The following B4GALT5 variants were observed in gnomAD, a reference collection of about 807,000 sequenced individuals.
The protein encoded by B4GALT5 is beta-1,4-galactosyltransferase 5.
In B4GALT5, 11 loss-of-function variants were observed where a neutral mutation model predicts 45.0. The observed-to-expected ratio is 0.24, with a 90% CI of 0.15 to 0.40. The LOEUF (loss-of-function observed/expected upper bound fraction) is 0.40. Among genes scored for constraint, B4GALT5 ranks in the 10% least tolerant of loss-of-function variants. The pLI is 1.00. For synonymous variants in B4GALT5, 185 were observed against 182.9 expected (o/e 1.01, Z -0.09); for missense variants, 337 against 500.2 (o/e 0.67, Z 3.11).
Position 49,633,766 on chromosome 20 carries a change from C to T in B4GALT5, c.*2546G>A, listed in dbSNP as rs889888634. On this transcript the variant is annotated 3_prime_UTR_variant, in exon 9 of 9. Transcript: ENST00000371711. ...AAACAAGATCGCCTGACAACACTGC[C>T]GCATACACATACGGCACCCAGGACT... 1.3e-5 allele frequency: 2 copies of T among 152,478 alleles called. No individual in the cohort carries two copies. The highest frequency in any genetic ancestry group is 2.4e-5 in the African/African-American group (1 of 41,408). The allele number at this position is 152,478 out of a possible 1,614,324, so 9.4% of individuals were successfully genotyped here.
At chr20:49,662,401 C>T (rs1015792803) in intron 1 of B4GALT5, among the ~76,000 whole-genome samples, 19 of 152,110 alleles carry the variant, frequency 1.2e-4, no homozygotes, top group African/African-American at 4.3e-4. Flanking sequence ...AAGGCTGTTG[C>T]CTACTTCCTT....
intron 1 of B4GALT5, among the ~76,000 whole-genome samples, chr20:49,663,544 A>G (rs1256561454): frequency 6.6e-6 from 1 of 151,134 alleles, no homozygotes; most frequent in Admixed American, 6.6e-5. Context: ...TTTACGTATT[A>G]AAAAAATTAT....
In B4GALT5 at chr20:49,636,023, T is replaced by C; in HGVS notation, c.*289A>G. ...TCTGGAGACTGCGGCTAAGACAGGA[T>C]GTGGGGTAGGAGATGGGGAGAGAGC... On this transcript the variant is annotated 3_prime_UTR_variant, in exon 9 of 9. Transcript: ENST00000371711. 1 of 378,592 alleles carries C rather than the reference T, an allele frequency of 2.6e-6. No homozygotes were observed. The highest frequency in any genetic ancestry group is 2.5e-5 in the South Asian group (1 of 40,206). 23.5% of individuals were successfully genotyped at this position (378,592 alleles called of 1,614,324 possible).
In B4GALT5 at chr20:49,640,654, T is replaced by C. The variant is rs920956447; in HGVS notation, c.618A>G (p.Gln206=). ...AFYVVEQVGT[Q]PFNRAMLFNV... The stretch of plus-strand genomic sequence containing the variant: ...TGAAAAGCATGGCTCGATTAAAGGG[T>C]TGGGTACCAACCTAAAAGAAACAGA... The change falls in exon 6 of 9, where the codon CAA becomes CAG. Residue 206 remains glutamine (Q), a synonymous_variant. Coordinates refer to ENST00000371711, the MANE Select transcript of B4GALT5 (RefSeq NM_004776.4). 2 of 1,605,382 alleles carry C rather than the reference T, an allele frequency of 1.2e-6. No individual in the cohort carries two copies. The highest frequency in any genetic ancestry group is 1.7e-4 in the Middle Eastern group (1 of 6,020).
At chr20:49,684,464 G>A (rs1395849013) in intron 1 of B4GALT5, 2 of 469,770 alleles carry the variant, frequency 4.3e-6, no homozygotes, top group African/African-American at 4.0e-5. Context: ...TGGGGAGGCT[G>A]AGACAGCAGA....
chr20:49,643,866 C>T (rs953450686), intron 3 of B4GALT5, among the ~76,000 whole-genome samples: 6 of 147,182 alleles, frequency 4.1e-5, no homozygotes, highest in Admixed American at 2.7e-4. Flanking sequence ...CTTTAGAGTT[C>T]TGCTTCTGTC....
At chr20:49,694,730 T>C (rs1453813686) in intron 1 of B4GALT5, among the ~76,000 whole-genome samples, 1 of 151,886 alleles carries the variant, frequency 6.6e-6, no homozygotes, top group Admixed American at 6.6e-5. Context: ...ACACAACTGA[T>C]AACACCTGGG....
At chr20:49,659,487 C>A (rs900192694) in intron 1 of B4GALT5, among the ~76,000 whole-genome samples, 2 of 152,168 alleles carry the variant, frequency 1.3e-5, no homozygotes, top group South Asian at 2.1e-4. Context: ...ACAACTGTCT[C>A]GTGTTAGTCT....
At chr20:49,683,530 A>G (rs2085772869) in intron 1 of B4GALT5, among the ~76,000 whole-genome samples, 1 of 151,416 alleles carries the variant, frequency 6.6e-6, no homozygotes, top group Non-Finnish European at 1.5e-5. Flanking sequence ...AGTAGCTGAG[A>G]TTACAGGCAC....
intron 1 of B4GALT5, among the ~76,000 whole-genome samples, chr20:49,687,141 G>C (rs1336357946): frequency 1.3e-5 from 2 of 152,218 alleles, no homozygotes; most frequent in Non-Finnish European, 2.9e-5. Context: ...GGCATCTCTT[G>C]GGTAAAGGCC....
chr20:49,653,459 T>G (rs1370979001), intron 2 of B4GALT5, among the ~76,000 whole-genome samples: 1 of 152,248 alleles, frequency 6.6e-6, no homozygotes, highest in Non-Finnish European at 1.5e-5. Flanking sequence ...AAGTGCTTCC[T>G]ATGTGCGAGG....
rs145633480 is a variant in B4GALT5 at position 49,691,718 on chromosome 20, A to C, written c.115+21858T>G. Among the ~76,000 whole-genome samples, 72 of 152,376 alleles carry C rather than the reference A, an allele frequency of 4.7e-4. No individual in the cohort carries two copies. In the East Asian group the frequency reaches 0.013, roughly 26 times the overall value. ...AAATTACACATACTCCCCTAAAAAA[A>C]GATCCAGAAGAAAAAGCACCAAAAT... On this transcript the variant is annotated intron_variant, in intron 1 of 8. Coordinates refer to ENST00000371711, the MANE Select transcript of B4GALT5 (RefSeq NM_004776.4).
chr20:49,665,060 CA>C (rs1266521130), intron 1 of B4GALT5, among the ~76,000 whole-genome samples: 2 of 152,132 alleles, frequency 1.3e-5, no homozygotes, highest in Non-Finnish European at 1.5e-5. Context: ...AAGCTTTCTC[CA>C]AAAGGGGAAA....
chr20:49,692,405 T>C (rs1178829144), intron 1 of B4GALT5, among the ~76,000 whole-genome samples: 1 of 152,046 alleles, frequency 6.6e-6, no homozygotes, highest in African/African-American at 2.4e-5. Flanking sequence ...AAGTCAAGGC[T>C]GCAGTGAGCT....
At chr20:49,665,553 C>A (rs7509303) in intron 1 of B4GALT5, among the ~76,000 whole-genome samples, 5 of 150,606 alleles carry the variant, frequency 3.3e-5, no homozygotes, top group African/African-American at 7.3e-5. Context: ...ATGATGAATT[C>A]TTTTATAAAT....
intron 1 of B4GALT5, among the ~76,000 whole-genome samples, chr20:49,665,303 A>G (rs1223225682): frequency 6.6e-6 from 1 of 150,568 alleles, no homozygotes; most frequent in Non-Finnish European, 1.5e-5. Context: ...CTCCCAAGCT[A>G]CTTGGGAGGC....
intron 1 of B4GALT5, among the ~76,000 whole-genome samples, chr20:49,661,480 C>T (rs1194606789): frequency 1.3e-5 from 2 of 152,196 alleles, no homozygotes; most frequent in East Asian, 1.9e-4. Flanking sequence ...GGTGATCTGC[C>T]TGCCTTGGCC....
rs930104788 is a variant in B4GALT5, at chr20:49,634,265, A to G, written c.*2047T>C. ...GTTTGTGGGGATCATATGTCCACAG[A>G]ACCATCACATGCAACGAAAAAAGCC... On this transcript the variant is annotated 3_prime_UTR_variant, in exon 9 of 9. Transcript: ENST00000371711. The G allele has an allele frequency of 6.6e-6, 1 of 152,552 alleles. No individual in the cohort carries two copies. The highest frequency in any genetic ancestry group is 6.6e-5 in the Admixed American group (1 of 15,262). 9.4% of individuals were successfully genotyped at this position (152,552 alleles called of 1,614,324 possible).
At chr20:49,656,922 A>G (rs2273088) in intron 1 of B4GALT5, among the ~76,000 whole-genome samples, 70,938 of 151,850 alleles carry the variant, frequency 0.47, 17,542 homozygotes, top group South Asian at 0.65. Context: ...TCAATATCCA[A>G]CAGTTCTAGA....
Sources: gnomAD v4.1 joint callset for allele counts (sites outside exome capture counted in the v4.1 genomes callset) on GRCh38, gnomAD v4.1.1 for gene constraint, MANE v1.5 for transcripts, NCBI Gene and HGNC (gene_info 2026-07-23, HGNC 2026-07-21) for gene names.